SGCD: variants seen among roughly 807,000 people sequenced by gnomAD.
The protein encoded by SGCD is sarcoglycan delta.
SGCD carries 18 observed loss-of-function variants against 36.6 expected under a neutral mutation model. The observed-to-expected ratio is 0.49, with a 90% CI of 0.34 to 0.73. SGCD has a LOEUF of 0.73. SGCD is among the 30% of genes least tolerant of loss of function. The pLI, the probability that SGCD is intolerant of heterozygous loss-of-function variation, is 0.01. For synonymous variants in SGCD, 133 were observed against 130.6 expected (o/e 1.02, Z -0.12); for missense variants, 387 against 346.7 (o/e 1.12, Z -0.92).
chr5:155,732,436 G>A, the SGCD span, among the ~76,000 whole-genome samples: 3 of 152,186 alleles, frequency 2.0e-5, no homozygotes, highest in Admixed American at 6.5e-5. Flanking sequence ...GGCTGATGGA[G>A]CCAAAAGTCC....
Position 155,961,864 on chromosome 5 carries a change from G to A in SGCD, c.-282+91440G>A, listed in dbSNP as rs1201645678. On this transcript the variant is annotated intron_variant, in intron 1 of 9. Transcript: ENST00000517913. ...TGAAAACAGAATAGTACTTGGTATG[G>A]AAAAAAGCTTTCTGCGTAGATATTT... 2.0e-5 allele frequency among the ~76,000 whole-genome samples: 3 copies of A among 152,030 alleles called. No individual in the cohort carries two copies. The East Asian group carries it at 5.8e-4, about 29-fold the overall frequency.
chr5:156,268,523 C>G (rs1302139887), intron 3 of SGCD, among the ~76,000 whole-genome samples: 1 of 152,162 alleles, frequency 6.6e-6, no homozygotes, highest in Non-Finnish European at 1.5e-5. Flanking sequence ...AGTAGCCATT[C>G]TAACTGGTGT....
At chr5:155,755,516 T>A in the SGCD span, among the ~76,000 whole-genome samples, 1 of 152,354 alleles carries the variant, frequency 6.6e-6, no homozygotes, top group Non-Finnish European at 1.5e-5. Context: ...TTACCCAGCA[T>A]GTTGTCATAG....
At chr5:155,977,167 C>T (rs1178303199) in intron 1 of SGCD, among the ~76,000 whole-genome samples, 2 of 152,182 alleles carry the variant, frequency 1.3e-5, no homozygotes, top group African/African-American at 4.8e-5. Context: ...CATCATTGCC[C>T]TGGCCCCTTG....
chr5:156,239,065 G>A (rs547219237), intron 3 of SGCD, among the ~76,000 whole-genome samples: 104 of 152,068 alleles, frequency 6.8e-4, no homozygotes, highest in Non-Finnish European at 1.2e-3. Flanking sequence ...TTTCACTTTG[G>A]GTCTGGGTCC....
rs1241470073 is a variant in SGCD at position 155,991,611 on chromosome 5, ACT to A, written c.-282+121190_-282+121191del. On this transcript the variant is annotated intron_variant, in intron 1 of 9. Transcript: ENST00000517913. Reference sequence around the variant, plus strand: ...GACAAGGAGCAATGTCTAGAAAGAAACTCTTTTGAATAAAGATTATTTCTTGC... The same window carrying A: ...GACAAGGAGCAATGTCTAGAAAGAAACTTTTGAATAAAGATTATTTCTTGC... Among the ~76,000 whole-genome samples the A allele has an allele frequency of 6.4e-4, 97 of 152,140 alleles. 1 individual carries two copies. Among genetic ancestry groups the A allele is most frequent in the Non-Finnish European group, 7.1e-4 (48 of 67,974 alleles).
In SGCD at chr5:156,269,784, T is replaced by G. The variant is rs371413225; in HGVS notation, c.-43-59750T>G. ...GGATGTTAGACCTTTGTCAGATGCA[T>G]AGTTTGCAAAAGTTTGCAAAGGTTT... On this transcript the variant is annotated intron_variant, in intron 3 of 9. Transcript: ENST00000517913. 1.6e-4 allele frequency among the ~76,000 whole-genome samples: 24 copies of G among 152,318 alleles called. No individual in the cohort carries two copies. In the South Asian group the frequency reaches 5.0e-3, roughly 32 times the overall value.
chr5:156,138,449 T>C (rs951432001), intron 3 of SGCD, among the ~76,000 whole-genome samples: 13 of 152,146 alleles, frequency 8.5e-5, no homozygotes, highest in African/African-American at 3.1e-4. Context: ...CATGGTCTTA[T>C]GGGATATATT....
intron 4 of SGCD, among the ~76,000 whole-genome samples, chr5:156,530,489 T>G (rs1757841992): frequency 6.6e-6 from 1 of 152,208 alleles, no homozygotes; most frequent in African/African-American, 2.4e-5. Context: ...TTCTCAATAG[T>G]TTTTTGTATT....
intron 7 of SGCD, among the ~76,000 whole-genome samples, chr5:156,713,411 G>GGC (rs1322185991): frequency 1.4e-5 from 2 of 140,438 alleles, no homozygotes; most frequent in African/African-American, 2.9e-5. Flanking sequence ...TGAACATGTC[G>GGC]GGGGGGGCGT....
At chr5:156,558,070 G>A (rs1343046936) in intron 4 of SGCD, among the ~76,000 whole-genome samples, 1 of 124,662 alleles carries the variant, frequency 8.0e-6, no homozygotes, top group Non-Finnish European at 1.7e-5. Context: ...TAGACTGAGT[G>A]TGTTATTAGT....
chr5:155,980,324 G>A (rs1758199295), intron 1 of SGCD, among the ~76,000 whole-genome samples: 3 of 151,982 alleles, frequency 2.0e-5, no homozygotes, highest in South Asian at 2.1e-4. Context: ...GGTGGTTCAC[G>A]CCTATAATCC....
chr5:155,924,827 A>G (rs1352400693), intron 1 of SGCD, among the ~76,000 whole-genome samples: 1 of 152,188 alleles, frequency 6.6e-6, no homozygotes, highest in East Asian at 1.9e-4. Context: ...AATGCAAATA[A>G]GAGAATGTTT....
At chr5:156,435,188 C>T (rs1487728100) in intron 3 of SGCD, among the ~76,000 whole-genome samples, 2 of 152,142 alleles carry the variant, frequency 1.3e-5, no homozygotes, top group Admixed American at 1.3e-4. Context: ...CTAATTCATG[C>T]CATTCTATTT....
chr5:156,657,759 G>A (rs973004766), intron 7 of SGCD, among the ~76,000 whole-genome samples: 8 of 151,014 alleles, frequency 5.3e-5, no homozygotes, highest in African/African-American at 1.7e-4. Flanking sequence ...AAGGTGGGAC[G>A]AGAGATTTGG....
At chr5:156,219,596 G>A (rs770363273) in intron 3 of SGCD, among the ~76,000 whole-genome samples, 1 of 152,178 alleles carries the variant, frequency 6.6e-6, no homozygotes, top group East Asian at 1.9e-4. Context: ...GATTTGAATA[G>A]ATGAAGCTTC....
At chr5:156,635,296 A>G (rs986865624) in intron 6 of SGCD, among the ~76,000 whole-genome samples, 1 of 152,174 alleles carries the variant, frequency 6.6e-6, no homozygotes, top group Non-Finnish European at 1.5e-5. Flanking sequence ...GCACATGATC[A>G]CTGGCCATCA....
intron 3 of SGCD, among the ~76,000 whole-genome samples, chr5:156,124,560 T>C (rs1762124109): frequency 6.6e-6 from 1 of 152,168 alleles, no homozygotes; most frequent in Non-Finnish European, 1.5e-5. Context: ...GTTCAAATGA[T>C]AATTATCACA....
At chr5:156,022,954 G>T (rs1759140975) in intron 1 of SGCD, among the ~76,000 whole-genome samples, 1 of 152,140 alleles carries the variant, frequency 6.6e-6, no homozygotes, top group Non-Finnish European at 1.5e-5. Context: ...TCACTTCTTT[G>T]TTTCCCAGCT....
Sources: allele counts gnomAD v4.1 joint callset (sites outside exome capture counted in the v4.1 genomes callset), GRCh38; gene constraint gnomAD v4.1.1; transcripts MANE v1.5; gene names NCBI Gene and HGNC (gene_info 2026-07-23, HGNC 2026-07-21).